Variants in MBD1 observed in about 807,000 individuals in gnomAD.
The protein encoded by MBD1 is methyl-CpG-binding domain protein 1.
A neutral mutation model predicts 82.6 loss-of-function variants in MBD1; 25 were observed. The ratio of observed to expected loss-of-function variants is 0.30; its 90% CI spans 0.22 to 0.42. The LOEUF (loss-of-function observed/expected upper bound fraction) is 0.42. Ranked by LOEUF, MBD1 falls within the 10% of genes least tolerant of loss-of-function variation. The pLI, the probability that MBD1 is intolerant of heterozygous loss-of-function variation, is 1.00. For missense variants in MBD1, 627 were observed against 819.6 expected (o/e 0.76, Z 2.87); for synonymous variants, 301 against 303.7 (o/e 0.99, Z 0.09).
chr18:50,281,702 C>T, upstream of MBD1: 1 of 417,318 alleles, frequency 2.4e-6, no homozygotes, highest in Non-Finnish European at 4.2e-6. Flanking sequence ...TGACGTTCAA[C>T]GACAGCTAAC....
chr18:50,267,735 G>A (rs376505767), downstream of MBD1: 334 of 998,096 alleles, frequency 3.3e-4, no homozygotes, highest in Middle Eastern at 6.7e-3. Flanking sequence ...ACACTTGTGA[G>A]CACATGCAAC....
At chr18:50,276,108 CT>C (rs1683330364) in intron 6 of MBD1, 127 bp from the exon 7 acceptor site, 2 of 1,241,854 alleles carry the variant, frequency 1.6e-6, no homozygotes. Flanking sequence ...ATCACCGTAT[CT>C]GAGAAGGTCT....
Position 50,277,098 on chromosome 18 carries a change from C to A in MBD1, c.217G>T (p.Ala73Ser). The change falls in exon 3 of 17, where the codon GCC becomes TCC. Residue 73 changes from alanine (A) to serine (S), a missense_variant. By Grantham distance (99) the Ala-to-Ser change is moderately conservative. This residue lies in a region of MBD1 where 75 missense variants were observed against 74.7 expected (regional missense o/e 1.00). Transcript: ENST00000269468. ...DFKQGILCYP[A>S]PKAHPVAVAS... is the part of the protein sequence containing the mutation. ...CTCATGTTGTGAAGTACCTTGGGGG[C>A]TGGATAGCACAAGATGCCTTGTTTG... is the stretch of plus-strand genomic sequence containing the variant. 1 of 1,614,206 alleles carries A rather than the reference C, an allele frequency of 6.2e-7. No homozygotes were observed. Among genetic ancestry groups the A allele is most frequent in the Non-Finnish European group, 8.5e-7 (1 of 1,180,018 alleles).
rs755259599 is a variant in MBD1, at chr18:50,270,218, C to T, written c.*33-400G>A. 1.1e-5 allele frequency: 16 copies of T among 1,489,966 alleles called. No homozygotes were observed. In the East Asian group the frequency reaches 3.6e-4, roughly 34 times the overall value. The allele number at this position is 1,489,966 out of a possible 1,614,324, so 92.3% of individuals were successfully genotyped here. A position where few individuals can be genotyped will look rare whatever the true frequency, so the allele number is the denominator to read the frequency against. On this transcript the variant is annotated intron_variant, in intron 16 of 16. Coordinates refer to ENST00000269468, the MANE Select transcript of MBD1 (RefSeq NM_015846.4). ...AGACAGAACTGGGAAATGGCTAATC[C>T]ATGTCTGAATTACTTAAAGCTGCAG... is the stretch of plus-strand genomic sequence containing the variant.
chr18:50,270,558 T>C (rs961254066), intron 16 of MBD1: 1 of 342,136 alleles, frequency 2.9e-6, no homozygotes, highest in African/African-American at 2.1e-5. Flanking sequence ...TTACAAAGAC[T>C]GCTCTGGCTG....
intron 1 of MBD1, 93 bp from the exon 2 acceptor site, chr18:50,280,110 G>T: frequency 1.5e-6 from 2 of 1,311,052 alleles, no homozygotes; most frequent in Non-Finnish European, 2.1e-6. Flanking sequence ...ATCCATTAGT[G>T]CTTGCCCAAG....
chr18:50,279,732 A>T, intron 2 of MBD1, 151 bp downstream of exon 2: 1 of 997,724 alleles, frequency 1.0e-6, no homozygotes, highest in Non-Finnish European at 1.5e-6. Context: ...AAATTTTATT[A>T]AGTAGGTGAA....
In MBD1 at chr18:50,269,486, G is replaced by A; in HGVS notation, c.*365C>T. ...GGTTGGTGCTGGGGCACCAGGCGTTGTTGCAGTTCACACGTTGCCATGTAT... is the reference window on the plus strand; with the variant it reads ...GGTTGGTGCTGGGGCACCAGGCGTTATTGCAGTTCACACGTTGCCATGTAT... On this transcript the variant is annotated 3_prime_UTR_variant, in exon 17 of 17. Coordinates refer to ENST00000269468, the MANE Select transcript of MBD1 (RefSeq NM_015846.4). The A allele has an allele frequency of 2.8e-6, 2 of 720,878 alleles. No homozygotes were observed. Among genetic ancestry groups the A allele is most frequent in the Non-Finnish European group, 5.0e-6 (2 of 402,182 alleles). 44.7% of individuals were successfully genotyped at this position (720,878 alleles called of 1,614,324 possible). A position where few individuals can be genotyped will look rare whatever the true frequency, so the allele number is the denominator to read the frequency against.
chr18:50,269,904 T>C, intron 16 of MBD1, 86 bp from the exon 17 acceptor site: 1 of 1,156,172 alleles, frequency 8.6e-7, no homozygotes, highest in East Asian at 2.3e-5. Flanking sequence ...GTCAGATCCC[T>C]ATAATAAATC....
At position 50,273,605 on chromosome 18, in the gene MBD1, C is replaced by A; in HGVS notation, c.1405G>T (p.Val469Leu). The change falls in exon 12 of 17, where the codon GTG becomes TTG. Residue 469 changes from valine (V) to leucine (L), a missense_variant. By Grantham distance (32) the Val-to-Leu change is conservative (BLOSUM62 1). Transcript: ENST00000269468. ...GTGGAAGCTGCAACAGGGCCCGGCA[C>A]CTGCACAGGACTGCTTGCGCCTTCC... ...LREGASSPVQ[V>L]PGPVAASTEA... 1.2e-6 allele frequency: 2 copies of A among 1,613,244 alleles called. No homozygotes were observed. Among genetic ancestry groups the A allele is most frequent in the Non-Finnish European group, 1.7e-6 (2 of 1,180,014 alleles).
rs747729261 is a variant in MBD1 at position 50,274,314 on chromosome 18, C to A, written c.1018G>T (p.Ala340Ser). The change falls in exon 11 of 17, where the codon GCC becomes TCC. Residue 340 changes from alanine (A) to serine (S), a missense_variant. Physicochemically the swap from Ala to Ser is moderately conservative, Grantham distance 99. Transcript: ENST00000269468. ...TNRRQNRKCG[A>S]CAACLRRMDC... ...ATCCGCCGTAGGCAGGCTGCACAGG[C>A]CCCGCACTTGCGGTTCTGCCGGCGG... 4.3e-6 allele frequency: 7 copies of A among 1,613,710 alleles called. No individual in the cohort carries two copies. The highest frequency in any genetic ancestry group is 5.9e-6 in the Non-Finnish European group (7 of 1,179,990).
At chr18:50,274,710 G>A (rs1323158966) in intron 10 of MBD1, among the ~76,000 whole-genome samples, 13 of 152,024 alleles carry the variant, frequency 8.6e-5, no homozygotes, top group Admixed American at 1.3e-4. Context: ...CTACTCTGTC[G>A]CTCATCCTAG....
In MBD1 at chr18:50,273,360, C is replaced by A; in HGVS notation, c.1558G>T (p.Val520Leu). Reference sequence around the variant, plus strand: ...TTGCTAGGGCAGCCAGGCACCAATACGGGAGAAGTCAGGACAGCTGTGCCT... The same window carrying A: ...TTGCTAGGGCAGCCAGGCACCAATAAGGGAGAAGTCAGGACAGCTGTGCCT... Reference protein sequence around the residue: ...TPGTAVLTSPVLVPGCPSKAV... With the variant: ...TPGTAVLTSPLLVPGCPSKAV... Residue 520 changes from valine to leucine, a missense_variant, in exon 13 of 17, where the codon GTA becomes TTA. Val to Leu is a conservative substitution (Grantham distance 32). Around this residue, in one of 6 missense-constraint regions of MBD1, gnomAD observed 265 missense variants for 278.4 expected, o/e 0.95. Coordinates refer to ENST00000269468, the MANE Select transcript of MBD1 (RefSeq NM_015846.4). 6.2e-7 allele frequency: 1 copy of A among 1,614,164 alleles called. No homozygotes were observed. The highest frequency in any genetic ancestry group is 8.5e-7 in the Non-Finnish European group (1 of 1,180,032).
downstream of MBD1, among the ~76,000 whole-genome samples, chr18:50,268,198 C>T (rs2034164045): frequency 6.6e-6 from 1 of 152,218 alleles, no homozygotes; most frequent in Admixed American, 6.5e-5. Context: ...TCCGGGAAGG[C>T]GGCAATGAAA....
intron 2 of MBD1, 85 bp from the exon 3 acceptor site, chr18:50,277,289 A>G (rs1457325022): frequency 2.8e-6 from 3 of 1,090,842 alleles, no homozygotes; most frequent in Non-Finnish European, 4.1e-6. Context: ...CTGGCAGGAT[A>G]TAGGAGGCAG....
intron 16 of MBD1, 162 bp from the exon 17 acceptor site, chr18:50,269,980 T>A (rs373778181): frequency 8.8e-6 from 14 of 1,584,364 alleles, no homozygotes; most frequent in Non-Finnish European, 1.2e-5. Context: ...TACCCTAACA[T>A]AAATGGTCAG....
chr18:50,268,315 A>G (rs537449352), downstream of MBD1, among the ~76,000 whole-genome samples: 1 of 152,338 alleles, frequency 6.6e-6, no homozygotes, highest in African/African-American at 2.4e-5. Context: ...GGAATTTCTG[A>G]GGCGATGGGG....
intron 14 of MBD1, 27 bp downstream of exon 14, chr18:50,272,797 G>A: frequency 1.2e-6 from 2 of 1,614,208 alleles, no homozygotes; most frequent in Non-Finnish European, 1.7e-6. Context: ...CAGGGTCAGG[G>A]CAGGGTGGGG....
chr18:50,270,224 T>TG, intron 16 of MBD1: 1 of 1,453,728 alleles, frequency 6.9e-7, no homozygotes, highest in Non-Finnish European at 9.5e-7. Context: ...AATCCATGTC[T>TG]GAATTACTTA....
Sources: allele counts gnomAD v4.1 joint callset (sites outside exome capture counted in the v4.1 genomes callset), GRCh38; gene constraint gnomAD v4.1.1; regional missense constraint gnomAD v4.1.1; transcripts MANE v1.5; gene names NCBI Gene and HGNC (gene_info 2026-07-23, HGNC 2026-07-21).